The following ACSF2 variants were observed in gnomAD, a reference collection of about 807,000 sequenced individuals.
ACSF2 encodes acyl-CoA synthetase family member 2.
Under a neutral mutation model 79.3 loss-of-function variants are expected in ACSF2, and 52 were observed. The ratio of observed to expected loss-of-function variants is 0.66; its 90% CI spans 0.53 to 0.83. ACSF2 has a LOEUF of 0.83. Ranked by LOEUF, ACSF2 falls within the 40% of genes least tolerant of loss-of-function variation. The probability of loss-of-function intolerance (pLI) is 0.00; values close to 1 mark genes in which losing one functional copy is unlikely to be tolerated. For missense variants in ACSF2, 661 were observed against 803.3 expected, an observed-to-expected ratio of 0.82 and a Z score of 2.14; for synonymous variants, 283 against 312.6, an observed-to-expected ratio of 0.91 and a Z score of 1.00.
chr17:50,430,776 A>G (rs1915450598), intron 1 of ACSF2, among the ~76,000 whole-genome samples: 1 of 152,260 alleles, frequency 6.6e-6, no homozygotes, highest in South Asian at 2.1e-4. Context: ...TGTATCACAA[A>G]TTTTGTTAAC....
chr17:50,460,969 C>A, intron 2 of ACSF2, 97 bp downstream of exon 2: 1 of 1,400,624 alleles, frequency 7.1e-7, no homozygotes, highest in Non-Finnish European at 9.7e-7. Context: ...GGCTATGGGG[C>A]AATGTGCTAG....
At chr17:50,436,261 C>T (rs2030409220) in intron 1 of ACSF2, among the ~76,000 whole-genome samples, 1 of 151,890 alleles carries the variant, frequency 6.6e-6, no homozygotes, top group Non-Finnish European at 1.5e-5. Flanking sequence ...TCCCGAGTAG[C>T]TGGGACTACA....
chr17:50,469,456 C>T (rs971361636), intron 10 of ACSF2, among the ~76,000 whole-genome samples: 2 of 152,172 alleles, frequency 1.3e-5, no homozygotes, highest in African/African-American at 2.4e-5. Flanking sequence ...GAAGCTGGCC[C>T]TGGGTAGACC....
chr17:50,470,625 AAGGG>A (rs1241122453), intron 10 of ACSF2, among the ~76,000 whole-genome samples: 1 of 151,772 alleles, frequency 6.6e-6, no homozygotes, highest in African/African-American at 2.4e-5. Flanking sequence ...TTCAGCTTGG[AAGGG>A]AGGAGCCGGG....
At chr17:50,470,929 CCTTTT>C (rs1466680156) in intron 10 of ACSF2, 94 bp from the exon 11 acceptor site, 4 of 915,502 alleles carry the variant, frequency 4.4e-6, no homozygotes, top group Non-Finnish European at 7.1e-6. Context: ...CTCCACTTTC[CCTTTT>C]CTTTTATGAA....
intron 3 of ACSF2, 128 bp downstream of exon 3, chr17:50,461,498 C>A: frequency 6.3e-7 from 1 of 1,588,030 alleles, no homozygotes; most frequent in South Asian, 1.1e-5. Context: ...AGTGCTTTCT[C>A]CTGAGGCCCA....
In ACSF2 at chr17:50,474,677, T is replaced by A. The variant is rs1037297612; in HGVS notation, c.*125T>A. Reference sequence around the variant, plus strand: ...GCCAGGCACATCAAATGTCAAGGAATTGACTGAACGAACTAAGAGCTCCTG... The same window carrying A: ...GCCAGGCACATCAAATGTCAAGGAAATGACTGAACGAACTAAGAGCTCCTG... On this transcript the variant is annotated 3_prime_UTR_variant, in exon 16 of 16. Coordinates refer to ENST00000300441, the MANE Select transcript of ACSF2 (RefSeq NM_025149.6). The surrounding 1 kb of genome is among the most constrained non-coding windows in gnomAD (Gnocchi z 4.2). The A allele has an allele frequency of 3.9e-5, 43 of 1,090,566 alleles. No individual in the cohort carries two copies. The African/African-American group carries it at 4.7e-4, about 12-fold the overall frequency. The allele number at this position is 1,090,566 out of a possible 1,614,324, so 67.6% of individuals were successfully genotyped here.
At chr17:50,457,486 A>G (rs2032084203) in intron 1 of ACSF2, among the ~76,000 whole-genome samples, 2 of 152,168 alleles carry the variant, frequency 1.3e-5, no homozygotes, top group Non-Finnish European at 2.9e-5. Flanking sequence ...GTAGACCCTG[A>G]GGGCCCACAG....
chr17:50,462,127 C>T (rs2032377642), intron 4 of ACSF2, 57 bp from the exon 5 acceptor site: 4 of 1,499,496 alleles, frequency 2.7e-6, no homozygotes, highest in Admixed American at 1.7e-5. Flanking sequence ...AGGACTCCCC[C>T]AGAGCTCTAG....
intron 1 of ACSF2, among the ~76,000 whole-genome samples, chr17:50,447,543 AAATAAT>A (rs57403403): frequency 2.7e-5 from 4 of 150,620 alleles, no homozygotes; most frequent in South Asian, 2.1e-4. Flanking sequence ...CTCTGTCTCA[AAATAAT>A]AATAATAATA....
chr17:50,449,532 G>A (rs1407417812), intron 1 of ACSF2, among the ~76,000 whole-genome samples: 1 of 148,900 alleles, frequency 6.7e-6, no homozygotes, highest in Non-Finnish European at 1.5e-5. Flanking sequence ...AGCCTCCCAA[G>A]TAACTGGGAC....
chr17:50,455,173 G>A (rs900321132), intron 1 of ACSF2, among the ~76,000 whole-genome samples: 5 of 152,146 alleles, frequency 3.3e-5, no homozygotes, highest in African/African-American at 4.8e-5. Context: ...AGTAGAGATG[G>A]GGTTTCACCA....
intron 1 of ACSF2, among the ~76,000 whole-genome samples, chr17:50,459,726 C>G (rs1307458353): frequency 6.6e-6 from 1 of 152,076 alleles, no homozygotes; most frequent in East Asian, 1.9e-4. Flanking sequence ...TTACTACTCC[C>G]GTGACTGCCC....
At chr17:50,453,949 T>A (rs551380230) in intron 1 of ACSF2, among the ~76,000 whole-genome samples, 73 of 143,876 alleles carry the variant, frequency 5.1e-4, no homozygotes, top group East Asian at 5.0e-3. Flanking sequence ...CTAGCTAATT[T>A]AAAAAAAAAA....
In ACSF2 at chr17:50,462,532, T is replaced by C; in HGVS notation, c.739T>C (p.Tyr247His). 6.2e-7 allele frequency: 1 copy of C among 1,613,712 alleles called. No homozygotes were observed. The highest frequency in any genetic ancestry group is 8.5e-7 in the Non-Finnish European group (1 of 1,179,942). Residue 247 changes from tyrosine to histidine, a missense_variant, in exon 6 of 16, where the codon TAC becomes CAC. Coordinates refer to ENST00000300441, the MANE Select transcript of ACSF2 (RefSeq NM_025149.6). Reference protein sequence around the residue: ...STRQHLDQLQYNQQFLSCHDP... With the variant: ...STRQHLDQLQHNQQFLSCHDP... ...ACGGCAGCATCTGGACCAGCTCCAA[T>C]ACAACCAGCAGTTCCTGTCCTGCCA...
rs2032202751 is a variant in ACSF2, at chr17:50,459,439, C to T, written c.129-1238C>T. Reference sequence around the variant, plus strand: ...AAAATGTTTCATAGAGACAGGGTTTCCCTATATTGCCCAGGCTGATCTCGA... The same window carrying T: ...AAAATGTTTCATAGAGACAGGGTTTTCCTATATTGCCCAGGCTGATCTCGA... On this transcript the variant is annotated intron_variant, in intron 1 of 15. Transcript: ENST00000300441. 3.3e-5 allele frequency among the ~76,000 whole-genome samples: 5 copies of T among 152,312 alleles called. No homozygotes were observed. The South Asian group carries it at 1.0e-3, about 32-fold the overall frequency.
At chr17:50,455,631 CA>C (rs1359832477) in intron 1 of ACSF2, among the ~76,000 whole-genome samples, 24 of 152,260 alleles carry the variant, frequency 1.6e-4, no homozygotes, top group African/African-American at 5.5e-4. Context: ...CCTGCAGAAC[CA>C]GGGACTCCCA....
chr17:50,450,495 T>C (rs2031599897), intron 1 of ACSF2: 1 of 137,308 alleles, frequency 7.3e-6, no homozygotes, highest in Non-Finnish European at 1.6e-5. Flanking sequence ...AGTGATACTT[T>C]GTCTCAAAAA....
At chr17:50,432,656 A>T (rs2030029669) in intron 1 of ACSF2, among the ~76,000 whole-genome samples, 1 of 152,216 alleles carries the variant, frequency 6.6e-6, no homozygotes. Context: ...CTTTAGAACT[A>T]AACATGTTGT....
Sources: gnomAD v4.1 joint callset for allele counts (sites outside exome capture counted in the v4.1 genomes callset) on GRCh38, gnomAD v4.1.1 for gene constraint, Gnocchi (gnomAD v3.1) non-coding constraint, MANE v1.5 for transcripts, NCBI Gene and HGNC (gene_info 2026-07-23, HGNC 2026-07-21) for gene names.